The following CDC42SE2 variants were observed in gnomAD, a reference collection of about 807,000 sequenced individuals.
CDC42SE2 encodes the protein CDC42 small effector 2.
CDC42SE2 carries 3 observed loss-of-function variants against 11.5 expected under a neutral mutation model. That is an observed-to-expected ratio of 0.26 (90% CI 0.12 to 0.67). The LOEUF is 0.67. Ranked by LOEUF, CDC42SE2 falls within the 30% of genes least tolerant of loss-of-function variation. CDC42SE2 has a pLI of 0.80. For missense variants in CDC42SE2, 82 were observed against 106.8 expected (o/e 0.77, Z 1.02); for synonymous variants, 33 against 34.8 (o/e 0.95, Z 0.18).
chr5:131,250,544 A>T (rs947172075), intron 1 of CDC42SE2, among the ~76,000 whole-genome samples: 9 of 152,192 alleles, frequency 5.9e-5, no homozygotes, highest in African/African-American at 2.2e-4. Flanking sequence ...CAGTAAAAAG[A>T]TCAATGGTTG....
chr5:131,279,120 A>G (rs1757178341), intron 1 of CDC42SE2, among the ~76,000 whole-genome samples: 1 of 152,070 alleles, frequency 6.6e-6, no homozygotes. Context: ...GTCTAGTAGA[A>G]TTACTTATTT....
rs141274725 is a variant in CDC42SE2, at chr5:131,328,614, C to G, written c.-286+12470C>G. 2.6e-5 allele frequency among the ~76,000 whole-genome samples: 4 copies of G among 152,178 alleles called. No individual in the cohort carries two copies. The East Asian group carries it at 7.7e-4, about 29-fold the overall frequency. ...TATACTTATATCTTCCATTGACTTT[C>G]TAGGGACACATTCTTGGATCATTCA... On this transcript the variant is annotated intron_variant, in intron 2 of 4. Coordinates refer to ENST00000505065, the MANE Select transcript of CDC42SE2 (RefSeq NM_001375635.1).
rs191012041 is a variant in CDC42SE2 at position 131,367,042 on chromosome 5, T to A, written c.54+7495T>A. ...ACCCTGTTTCAAAAAACAAATTTTT[T>A]ATATATATATATAATTTTATATGCT... On this transcript the variant is annotated intron_variant, in intron 3 of 4. Coordinates refer to ENST00000505065, the MANE Select transcript of CDC42SE2 (RefSeq NM_001375635.1). Among the ~76,000 whole-genome samples, 117 of 150,638 alleles carry A rather than the reference T, an allele frequency of 7.8e-4. 1 individual carries two copies. The East Asian group carries it at 0.022, about 28-fold the overall frequency.
intron 1 of CDC42SE2, among the ~76,000 whole-genome samples, chr5:131,273,597 C>T (rs1247406961): frequency 2.0e-5 from 3 of 150,642 alleles, no homozygotes; most frequent in East Asian, 2.0e-4. Context: ...GGTGAAACCC[C>T]GTCTCTACTA....
At position 131,359,459 on chromosome 5, in the gene CDC42SE2, C is replaced by T. The variant is rs11951274; in HGVS notation, c.-35C>T. 0.056 allele frequency: 87,804 copies of T among 1,568,626 alleles called. 8,365 individuals carry two copies. The highest frequency in any genetic ancestry group is 0.43 in the African/African-American group (31,733 of 73,972). ...GAACTTCCCGAGTTGAGATTTGGAA[C>T]CTTCATTGGTGCTCATTTACTGTGG... On this transcript the variant is annotated 5_prime_UTR_variant, in exon 3 of 5. Coordinates refer to ENST00000505065, the MANE Select transcript of CDC42SE2 (RefSeq NM_001375635.1).
chr5:131,337,371 C>T (rs1758596821), intron 2 of CDC42SE2, among the ~76,000 whole-genome samples: 1 of 152,218 alleles, frequency 6.6e-6, no homozygotes, highest in Non-Finnish European at 1.5e-5. Context: ...GGTGTCAAGT[C>T]TGCCCCTACT....
intron 2 of CDC42SE2, among the ~76,000 whole-genome samples, chr5:131,329,672 A>C (rs1758374214): frequency 6.6e-6 from 1 of 151,902 alleles, no homozygotes; most frequent in Non-Finnish European, 1.5e-5. Context: ...TGAGGTCAGG[A>C]GTTCAAGACC....
chr5:131,313,700 A>T (rs1757980117), intron 1 of CDC42SE2, among the ~76,000 whole-genome samples: 1 of 152,170 alleles, frequency 6.6e-6, no homozygotes, highest in Admixed American at 6.5e-5. Context: ...CTACTAGTAC[A>T]GTGTTTTTGT....
At chr5:131,228,112 C>T in the CDC42SE2 span, among the ~76,000 whole-genome samples, 1 of 152,184 alleles carries the variant, frequency 6.6e-6, no homozygotes, top group African/African-American at 2.4e-5. Flanking sequence ...GAGGCTGAGA[C>T]ATGAGAATCG....
intron 1 of CDC42SE2, among the ~76,000 whole-genome samples, chr5:131,269,688 C>T (rs919897980): frequency 3.3e-5 from 5 of 151,610 alleles, no homozygotes; most frequent in Middle Eastern, 3.4e-3. Flanking sequence ...CATGTGAACC[C>T]GGGAGACAGA....
intron 2 of CDC42SE2, among the ~76,000 whole-genome samples, chr5:131,326,840 C>G (rs1758311186): frequency 6.6e-6 from 1 of 151,922 alleles, no homozygotes; most frequent in South Asian, 2.1e-4. Context: ...GTCTTGAACT[C>G]CTGGACTCAA....
At chr5:131,323,179 A>G (rs900887772) in intron 2 of CDC42SE2, among the ~76,000 whole-genome samples, 115 of 146,592 alleles carry the variant, frequency 7.8e-4, no homozygotes, top group South Asian at 6.6e-3. Flanking sequence ...GGCATGTGCC[A>G]CCACACCTGG....
rs145919630 is a variant in CDC42SE2, at chr5:131,393,705, A to ACT, written c.*2617_*2618dup. 3,919 of 151,754 alleles carry ACT rather than the reference A, an allele frequency of 0.026. 72 individuals carry two copies. Among genetic ancestry groups the ACT allele is most frequent in the Non-Finnish European group, 0.039 (2,677 of 67,956 alleles). The allele number at this position is 151,754 out of a possible 1,614,324, so 9.4% of individuals were successfully genotyped here. A position where few individuals can be genotyped will look rare whatever the true frequency, so the allele number is the denominator to read the frequency against. Reference sequence around the variant, plus strand: ...ATTTAGTCTACTTCTATTTTGACTGACTCTTTAAATTAGTACAATTTTTCT... The same window carrying ACT: ...ATTTAGTCTACTTCTATTTTGACTGACTCTCTTTAAATTAGTACAATTTTTCT... On this transcript the variant is annotated 3_prime_UTR_variant, in exon 5 of 5. Coordinates refer to ENST00000505065, the MANE Select transcript of CDC42SE2 (RefSeq NM_001375635.1).
intron 2 of CDC42SE2, among the ~76,000 whole-genome samples, chr5:131,351,879 A>G (rs1429084436): frequency 1.3e-5 from 2 of 152,244 alleles, no homozygotes; most frequent in Non-Finnish European, 2.9e-5. Flanking sequence ...TGTTCGGTAG[A>G]CAAAGACCAG....
Position 131,308,831 on chromosome 5 carries a change from T to G in CDC42SE2, c.-454-7145T>G, listed in dbSNP as rs968446594. Reference sequence around the variant, plus strand: ...ACTTTGTTGAAGTTGCTTATCAGCTTAGGGAGATTTTGGGCTGAGATGATG... The same window carrying G: ...ACTTTGTTGAAGTTGCTTATCAGCTGAGGGAGATTTTGGGCTGAGATGATG... On this transcript the variant is annotated intron_variant, in intron 1 of 4. Transcript: ENST00000505065. 2.0e-5 allele frequency among the ~76,000 whole-genome samples: 3 copies of G among 152,190 alleles called. 1 individual carries two copies. The highest frequency in any genetic ancestry group is 2.0e-4 in the Admixed American group (3 of 15,258).
chr5:131,329,359 T>G (rs546841204), intron 2 of CDC42SE2, among the ~76,000 whole-genome samples: 1 of 152,308 alleles, frequency 6.6e-6, no homozygotes, highest in African/African-American at 2.4e-5. Flanking sequence ...CTGCCATTAT[T>G]GTTCTTGGAA....
At position 131,359,483 on chromosome 5, in the gene CDC42SE2, G is replaced by A; in HGVS notation, c.-11G>A. The A allele has an allele frequency of 6.2e-7, 1 of 1,609,970 alleles. No homozygotes were observed. Among genetic ancestry groups the A allele is most frequent in the Non-Finnish European group, 8.5e-7 (1 of 1,176,242 alleles). On this transcript the variant is annotated 5_prime_UTR_variant, in exon 3 of 5. Transcript: ENST00000505065. ...ACCTTCATTGGTGCTCATTTACTGTGGACTGTAAGCATGAGTGAATTCTGG... is the reference window on the plus strand; with the variant it reads ...ACCTTCATTGGTGCTCATTTACTGTAGACTGTAAGCATGAGTGAATTCTGG...
At chr5:131,336,801 T>G (rs548641797) in intron 2 of CDC42SE2, among the ~76,000 whole-genome samples, 1 of 152,356 alleles carries the variant, frequency 6.6e-6, no homozygotes, top group Non-Finnish European at 1.5e-5. Flanking sequence ...ATAGTCCTTG[T>G]GCTGTGGTTT....
the CDC42SE2 span, among the ~76,000 whole-genome samples, chr5:131,234,188 C>T: frequency 6.6e-6 from 1 of 152,172 alleles, no homozygotes; most frequent in African/African-American, 2.4e-5. Flanking sequence ...AAAGATTTCT[C>T]TATATCCTTG....
Sources: gnomAD v4.1 joint callset for allele counts (sites outside exome capture counted in the v4.1 genomes callset) on GRCh38, gnomAD v4.1.1 for gene constraint, MANE v1.5 for transcripts, NCBI Gene and HGNC (gene_info 2026-07-23, HGNC 2026-07-21) for gene names.